Variants in WASF3 observed in about 807,000 individuals in gnomAD.
WASF3 encodes WASP family member 3, also known as actin-binding protein WASF3.
In WASF3, 11 loss-of-function variants were observed where a neutral mutation model predicts 46.6. The observed-to-expected ratio is 0.24, with a 90% CI of 0.15 to 0.39. WASF3 has a LOEUF of 0.39. Among genes scored for constraint, WASF3 ranks in the 10% least tolerant of loss-of-function variants. The pLI, the probability that WASF3 is intolerant of heterozygous loss-of-function variation, is 1.00. For synonymous variants in WASF3, 242 were observed against 259.7 expected (o/e 0.93, Z 0.65); for missense variants, 576 against 669.8 (o/e 0.86, Z 1.55).
Position 26,597,916 on chromosome 13 carries a change from C to T in WASF3, c.-108-15045C>T, listed in dbSNP as rs541062616. On this transcript the variant is annotated intron_variant, in intron 1 of 9. Coordinates refer to ENST00000335327, the MANE Select transcript of WASF3 (RefSeq NM_006646.6). ...GTCTTTGCTATTGTGAATAGTGCCG[C>T]AATAAACATACGTGTGCATGTGTCT... Among the ~76,000 whole-genome samples the T allele has an allele frequency of 3.9e-4, 60 of 152,274 alleles. 1 individual carries two copies. The South Asian group carries it at 7.5e-3, about 19-fold the overall frequency.
In WASF3 at chr13:26,671,998, T is replaced by C. The variant is rs747918865; in HGVS notation, c.540+9T>C. On this transcript the variant is annotated intron_variant, in intron 6 of 9. Coordinates refer to ENST00000335327, the MANE Select transcript of WASF3 (RefSeq NM_006646.6). ...AGAAAAGGCGTCAAAAGGTAAATAA[T>C]TTCAGTATGGGAAATGTGCATATCA... is the stretch of plus-strand genomic sequence containing the variant. 5.8e-6 allele frequency: 9 copies of C among 1,562,102 alleles called. No individual in the cohort carries two copies. Among genetic ancestry groups the C allele is most frequent in the Non-Finnish European group, 2.6e-6 (3 of 1,138,288 alleles).
At chr13:26,652,998 C>T (rs1232001798) in intron 3 of WASF3, among the ~76,000 whole-genome samples, 3 of 152,130 alleles carry the variant, frequency 2.0e-5, no homozygotes, top group African/African-American at 7.2e-5. Context: ...CATATCTTTC[C>T]ACCTCGCACC....
At chr13:26,591,633 T>C (rs1280764004) in intron 1 of WASF3, among the ~76,000 whole-genome samples, 2 of 152,124 alleles carry the variant, frequency 1.3e-5, no homozygotes, top group Non-Finnish European at 2.9e-5. Flanking sequence ...TATTTCATAT[T>C]AGGGTTGTGT....
chr13:26,591,573 C>T (rs1306231077), intron 1 of WASF3, among the ~76,000 whole-genome samples: 2 of 152,044 alleles, frequency 1.3e-5, no homozygotes, highest in African/African-American at 4.8e-5. Context: ...GGGGAGACTA[C>T]GAGCTCTAGA....
intron 2 of WASF3, among the ~76,000 whole-genome samples, chr13:26,613,280 T>C (rs1881032792): frequency 6.6e-6 from 1 of 151,936 alleles, no homozygotes; most frequent in African/African-American, 2.4e-5. Flanking sequence ...AAAAACTTGA[T>C]ATATTCACTT....
At chr13:26,553,373 T>A (rs1879010158), upstream of WASF3, among the ~76,000 whole-genome samples, 1 of 152,002 alleles carries the variant, frequency 6.6e-6, no homozygotes, top group Non-Finnish European at 1.5e-5. Flanking sequence ...GTTACAGGTA[T>A]CGAGTCTCCA....
chr13:26,540,598 C>A, the WASF3 span, among the ~76,000 whole-genome samples: 3 of 152,232 alleles, frequency 2.0e-5, no homozygotes, highest in Non-Finnish European at 4.4e-5. Flanking sequence ...TTGGCTCCTG[C>A]CACCAGCTTG....
intron 1 of WASF3, among the ~76,000 whole-genome samples, chr13:26,558,439 G>T (rs1879174064): frequency 6.8e-6 from 1 of 147,062 alleles, no homozygotes; most frequent in South Asian, 2.2e-4. Flanking sequence ...GTGCAGGGGA[G>T]GAGGTGGGGC....
chr13:26,672,049 A>C, intron 6 of WASF3, 60 bp downstream of exon 6: 1 of 1,267,822 alleles, frequency 7.9e-7, no homozygotes, highest in South Asian at 1.3e-5. Flanking sequence ...TCTTGTTTAG[A>C]AATAGTAAAT....
intron 2 of WASF3, chr13:26,637,982 A>G (rs1424681653): frequency 6.6e-6 from 1 of 152,436 alleles, no homozygotes; most frequent in Non-Finnish European, 1.5e-5. Flanking sequence ...AAGGGGGTAG[A>G]AACTGGGGAG....
At chr13:26,599,064 C>G (rs1009379832) in intron 1 of WASF3, among the ~76,000 whole-genome samples, 11 of 151,842 alleles carry the variant, frequency 7.2e-5, no homozygotes, top group African/African-American at 2.7e-4. Flanking sequence ...AGAGACAGGG[C>G]TTCGCCATGT....
At chr13:26,570,061 G>A (rs1879587413) in intron 1 of WASF3, among the ~76,000 whole-genome samples, 2 of 152,134 alleles carry the variant, frequency 1.3e-5, no homozygotes, top group Admixed American at 6.5e-5. Flanking sequence ...CAAGGTGGGC[G>A]GATCACTTGA....
At chr13:26,637,818 A>G (rs554889782) in intron 2 of WASF3, among the ~76,000 whole-genome samples, 1 of 152,342 alleles carries the variant, frequency 6.6e-6, no homozygotes, top group African/African-American at 2.4e-5. Context: ...TCAACTGCAG[A>G]GTGGTCTGTG....
intron 1 of WASF3, among the ~76,000 whole-genome samples, chr13:26,559,630 G>A (rs962901001): frequency 6.6e-6 from 1 of 151,988 alleles, no homozygotes; most frequent in Admixed American, 6.6e-5. Context: ...AAACAATTGC[G>A]TTATAATGCA....
intron 2 of WASF3, among the ~76,000 whole-genome samples, chr13:26,614,234 A>T (rs1881066355): frequency 2.0e-5 from 3 of 152,230 alleles, no homozygotes; most frequent in Admixed American, 2.0e-4. Context: ...TGGGCATATC[A>T]TTACATATTA....
At chr13:26,541,953 GTA>G in the WASF3 span, among the ~76,000 whole-genome samples, 1 of 152,112 alleles carries the variant, frequency 6.6e-6, no homozygotes, top group African/African-American at 2.4e-5. Flanking sequence ...AGGTGTTGGT[GTA>G]CCTGTTTTAT....
In WASF3 at chr13:26,606,136, G is replaced by T. The variant is rs74040623; in HGVS notation, c.-108-6825G>T. 6.2e-3 allele frequency among the ~76,000 whole-genome samples: 947 copies of T among 152,192 alleles called. 11 individuals are homozygous for T. Among genetic ancestry groups the T allele is most frequent in the African/African-American group, 0.022 (905 of 41,528 alleles). On this transcript the variant is annotated intron_variant, in intron 1 of 9. Coordinates refer to ENST00000335327, the MANE Select transcript of WASF3 (RefSeq NM_006646.6). ...ATGAGGTAGACGGCTCTTCCCATGG[G>T]TTAGCTCATTTAATTCTCACAGTCT...
At chr13:26,648,903 C>T (rs573536) in intron 3 of WASF3, among the ~76,000 whole-genome samples, 2,089 of 152,108 alleles carry the variant, frequency 0.014, 50 homozygotes, top group African/African-American at 0.047. Flanking sequence ...CCCATTGACC[C>T]GGAATGTCAG....
At chr13:26,611,944 G>A (rs1880995000) in intron 1 of WASF3, among the ~76,000 whole-genome samples, 1 of 151,376 alleles carries the variant, frequency 6.6e-6, no homozygotes, top group African/African-American at 2.4e-5. Context: ...ATTCTTTTTA[G>A]TAGACTCAAA....
Sources: allele counts gnomAD v4.1 joint callset (sites outside exome capture counted in the v4.1 genomes callset), GRCh38; gene constraint gnomAD v4.1.1; transcripts MANE v1.5; gene names NCBI Gene and HGNC (gene_info 2026-07-23, HGNC 2026-07-21).